Variants in ALK observed in about 807,000 individuals in gnomAD.
ALK encodes ALK receptor tyrosine kinase.
ALK carries 74 observed loss-of-function variants against 163.1 expected under a neutral mutation model. The observed-to-expected ratio is 0.45, with a 90% CI of 0.38 to 0.55. The LOEUF is 0.55. Ranked by LOEUF, ALK falls within the 20% of genes least tolerant of loss-of-function variation. The probability of loss-of-function intolerance (pLI) is 0.00; values close to 1 mark genes in which losing one functional copy is unlikely to be tolerated. For synonymous variants in ALK, 960 were observed against 843.2 expected (o/e 1.14, Z -2.40); for missense variants, 2,063 against 2,105.3 (o/e 0.98, Z 0.39).
rs1193435538 is a variant in ALK at position 29,216,087 on chromosome 2, ACT to A, written c.3646-2008_3646-2007del. On this transcript the variant is annotated intron_variant, in intron 23 of 28. Transcript: ENST00000389048. ...ACCTCTGCACAGGCGGGCAGCAGAGACTCTGATCATTCCCATCAAGCAGCACT... is the reference window on the plus strand; with the variant it reads ...ACCTCTGCACAGGCGGGCAGCAGAGACTGATCATTCCCATCAAGCAGCACT... Among the ~76,000 whole-genome samples the A allele has an allele frequency of 3.3e-5, 5 of 152,010 alleles. No individual in the cohort carries two copies. The South Asian group carries it at 8.3e-4, about 25-fold the overall frequency.
At chr2:29,782,697 A>G (rs1663868155) in intron 1 of ALK, among the ~76,000 whole-genome samples, 1 of 152,168 alleles carries the variant, frequency 6.6e-6, no homozygotes. Flanking sequence ...ATCAAGCAGT[A>G]ACCATTTCGA....
chr2:29,409,739 G>A (rs187598674), intron 4 of ALK, among the ~76,000 whole-genome samples: 3 of 152,254 alleles, frequency 2.0e-5, no homozygotes, highest in African/African-American at 7.2e-5. Context: ...TCTTTACTAA[G>A]ACTCTTATCT....
chr2:29,826,688 T>C (rs1402277869), intron 1 of ALK, among the ~76,000 whole-genome samples: 6 of 152,256 alleles, frequency 3.9e-5, no homozygotes, highest in Non-Finnish European at 8.8e-5. Context: ...GAGCAATGCC[T>C]GCCTGCCCTC....
chr2:29,867,570 T>C (rs1170295073), intron 1 of ALK, among the ~76,000 whole-genome samples: 1 of 152,156 alleles, frequency 6.6e-6, no homozygotes, highest in African/African-American at 2.4e-5. Context: ...GCCTCATAAC[T>C]TGGGATGTGT....
intron 3 of ALK, among the ~76,000 whole-genome samples, chr2:29,616,498 C>T (rs911832076): frequency 6.6e-6 from 1 of 152,160 alleles, no homozygotes; most frequent in Non-Finnish European, 1.5e-5. Flanking sequence ...AATTTGTAAT[C>T]TGAGAGACCA....
chr2:29,799,783 GA>G (rs1173259157), intron 1 of ALK, among the ~76,000 whole-genome samples: 1 of 152,080 alleles, frequency 6.6e-6, no homozygotes, highest in African/African-American at 2.4e-5. Context: ...TCATCATAAA[GA>G]CCTCAAAATG....
At chr2:29,406,898 C>CA (rs11397203) in intron 4 of ALK, among the ~76,000 whole-genome samples, 114,902 of 133,460 alleles carry the variant, frequency 0.86, 51,469 homozygotes, top group Non-Finnish European at 0.98. Flanking sequence ...GACTCCATCT[C>CA]AAAAAAAAAA....
intron 3 of ALK, 149 bp from the exon 4 acceptor site, chr2:29,532,265 C>T: frequency 1.3e-6 from 1 of 788,608 alleles, no homozygotes; most frequent in Non-Finnish European, 2.1e-6. Flanking sequence ...CCTTCTTCCT[C>T]CATTCTTAGA....
At chr2:29,320,684 G>T in intron 7 of ALK, 67 bp downstream of exon 7, 1 of 1,607,880 alleles carries the variant, frequency 6.2e-7, no homozygotes, top group Non-Finnish European at 8.5e-7. Flanking sequence ...GTCCAGCCCT[G>T]AGTCTCCCAT....
chr2:29,320,582 T>G (rs1246795840), intron 7 of ALK, among the ~76,000 whole-genome samples, 169 bp downstream of exon 7: 1 of 152,190 alleles, frequency 6.6e-6, no homozygotes, highest in Non-Finnish European at 1.5e-5. Flanking sequence ...ATTTAATCAC[T>G]CGAAAGCCCA....
chr2:29,452,692 T>A (rs186463771), intron 4 of ALK, among the ~76,000 whole-genome samples: 157 of 152,204 alleles, frequency 1.0e-3, no homozygotes, highest in African/African-American at 3.6e-3. Flanking sequence ...GAGAAAACCA[T>A]CAGTTGCCAC....
chr2:29,495,693 C>G (rs1672006299), intron 4 of ALK, among the ~76,000 whole-genome samples: 1 of 152,144 alleles, frequency 6.6e-6, no homozygotes, highest in Admixed American at 6.5e-5. Flanking sequence ...AAGTGACTTA[C>G]CCAAAGTTAC....
chr2:29,288,029 G>T (rs545984017), intron 9 of ALK, among the ~76,000 whole-genome samples: 1 of 145,860 alleles, frequency 6.9e-6, no homozygotes, highest in East Asian at 2.2e-4. Flanking sequence ...ACCTGGCATT[G>T]TTGGGTTGAT....
intron 12 of ALK, among the ~76,000 whole-genome samples, chr2:29,242,937 G>A (rs1254408427): frequency 1.3e-5 from 2 of 152,198 alleles, no homozygotes; most frequent in Non-Finnish European, 2.9e-5. Flanking sequence ...TTAAAGTCAG[G>A]GGGAGCAGGC....
intron 1 of ALK, among the ~76,000 whole-genome samples, chr2:29,720,001 G>C (rs144294419): frequency 1.2e-3 from 183 of 152,268 alleles, no homozygotes; most frequent in African/African-American, 4.1e-3. Context: ...TGAAGTGACA[G>C]GAAGACTAAG....
chr2:29,615,572 C>T (rs891638239), intron 3 of ALK, among the ~76,000 whole-genome samples: 1 of 152,196 alleles, frequency 6.6e-6, no homozygotes, highest in Non-Finnish European at 1.5e-5. Flanking sequence ...TATCAGAGCT[C>T]TTCTTATAGT....
intron 4 of ALK, among the ~76,000 whole-genome samples, chr2:29,434,891 A>T (rs1432046101): frequency 1.3e-5 from 2 of 152,354 alleles, no homozygotes; most frequent in African/African-American, 4.8e-5. Context: ...ATCACAGATC[A>T]TTAGAACTGG....
chr2:29,303,798 C>A (rs920286200), intron 8 of ALK, among the ~76,000 whole-genome samples: 5 of 152,084 alleles, frequency 3.3e-5, no homozygotes, highest in African/African-American at 9.7e-5. Flanking sequence ...AATCAAATAC[C>A]GTATGTGCTC....
At chr2:29,469,587 A>G (rs1475219047) in intron 4 of ALK, among the ~76,000 whole-genome samples, 1 of 152,100 alleles carries the variant, frequency 6.6e-6, no homozygotes, top group Admixed American at 6.5e-5. Context: ...AGCTCTCTTA[A>G]TGGCACCATC....
Sources: gnomAD v4.1 joint callset for allele counts (sites outside exome capture counted in the v4.1 genomes callset) on GRCh38, gnomAD v4.1.1 for gene constraint, MANE v1.5 for transcripts, NCBI Gene and HGNC (gene_info 2026-07-23, HGNC 2026-07-21) for gene names.